Variants in TMEM117 observed in about 807,000 individuals in gnomAD.
The protein encoded by TMEM117 is transmembrane protein 117.
In TMEM117, 27 loss-of-function variants were observed where a neutral mutation model predicts 52.4. The observed-to-expected ratio is 0.51, with a 90% CI of 0.38 to 0.71. The LOEUF (loss-of-function observed/expected upper bound fraction) is 0.71. Ranked by LOEUF, TMEM117 falls within the 30% of genes least tolerant of loss-of-function variation. TMEM117 has a pLI of 0.00. For missense variants in TMEM117, 556 were observed against 630.5 expected, an observed-to-expected ratio of 0.88 and a Z score of 1.26; for synonymous variants, 215 against 206.3, an observed-to-expected ratio of 1.04 and a Z score of -0.36.
intron 5 of TMEM117, among the ~76,000 whole-genome samples, chr12:44,292,025 CCTT>C (rs1413826943): frequency 2.0e-5 from 3 of 151,918 alleles, no homozygotes; most frequent in Non-Finnish European, 4.4e-5. Flanking sequence ...GGTATCCTCT[CCTT>C]CTGAATTTTT....
chr12:44,246,301 GAATAA>G (rs1950128866), intron 5 of TMEM117, among the ~76,000 whole-genome samples: 1 of 152,004 alleles, frequency 6.6e-6, no homozygotes, highest in African/African-American at 2.4e-5. Flanking sequence ...TTATGTAATA[GAATAA>G]AATAAATTTA....
chr12:44,037,984 C>T (rs1311766075), intron 3 of TMEM117, among the ~76,000 whole-genome samples: 2 of 152,006 alleles, frequency 1.3e-5, no homozygotes, highest in Admixed American at 1.3e-4. Context: ...TGTCGGGATG[C>T]CCTGCCTGCA....
At chr12:43,951,158 A>AAG (rs908582996) in intron 3 of TMEM117, among the ~76,000 whole-genome samples, 6 of 152,150 alleles carry the variant, frequency 3.9e-5, no homozygotes, top group Non-Finnish European at 8.8e-5. Context: ...TCCATGAATC[A>AAG]AGAGATTACC....
At chr12:43,852,371 C>CA (rs1014250712) in intron 2 of TMEM117, among the ~76,000 whole-genome samples, 86 of 152,150 alleles carry the variant, frequency 5.7e-4, no homozygotes, top group South Asian at 2.1e-3. Context: ...GCAGAGCTTT[C>CA]AGTGAGCCGA....
intron 3 of TMEM117, among the ~76,000 whole-genome samples, chr12:44,027,385 G>A (rs1191691984): frequency 6.6e-6 from 1 of 151,858 alleles, no homozygotes. Flanking sequence ...TGTTGGCCAG[G>A]CTGGTCTTGA....
intron 3 of TMEM117, among the ~76,000 whole-genome samples, chr12:43,977,473 A>G (rs187301810): frequency 6.6e-6 from 1 of 152,162 alleles, no homozygotes; most frequent in Admixed American, 6.6e-5. Flanking sequence ...TGTTTGGACC[A>G]CTACATACAT....
intron 5 of TMEM117, among the ~76,000 whole-genome samples, chr12:44,220,864 C>T (rs150898374): frequency 1.3e-5 from 2 of 152,110 alleles, no homozygotes; most frequent in Non-Finnish European, 1.5e-5. Context: ...ATAACCCAAA[C>T]TATCAAGTAC....
intron 4 of TMEM117, among the ~76,000 whole-genome samples, chr12:44,162,104 G>A (rs990328111): frequency 3.3e-5 from 5 of 152,096 alleles, no homozygotes; most frequent in African/African-American, 1.2e-4. Context: ...TCCAGAGAAC[G>A]TGAACATTCT....
At chr12:44,127,836 C>G (rs1025840492) in intron 3 of TMEM117, among the ~76,000 whole-genome samples, 18 of 152,160 alleles carry the variant, frequency 1.2e-4, no homozygotes, top group Non-Finnish European at 4.4e-5. Flanking sequence ...GAAATTCCAG[C>G]CTGGTTGCCA....
chr12:43,844,714 G>C lies in TMEM117; in HGVS notation c.63G>C (p.Leu21Phe). Residue 21 changes from leucine to phenylalanine, a missense_variant, in exon 2 of 8, where the codon TTG becomes TTC. Around this residue, in one of 3 missense-constraint regions of TMEM117, gnomAD observed 328 missense variants for 371.4 expected, o/e 0.88. Transcript: ENST00000266534. ...HPWSRMIVAY[L>F]VIFFNFLIFA... ...GGTCTCGCATGATTGTGGCTTACTT[G>C]GTGATCTTCTTTAACTTCTTAATAT... is the stretch of plus-strand genomic sequence containing the variant. The C allele has an allele frequency of 6.2e-7, 1 of 1,614,106 alleles. No homozygotes were observed. Among genetic ancestry groups the C allele is most frequent in the African/African-American group, 1.3e-5 (1 of 75,028 alleles).
chr12:44,211,141 A>C (rs1592609157), intron 4 of TMEM117, 149 bp from the exon 5 acceptor site: 1 of 628,896 alleles, frequency 1.6e-6, no homozygotes, highest in East Asian at 2.9e-5. Flanking sequence ...TAATTGAATG[A>C]AGTATATCCT....
In TMEM117 at chr12:44,388,200, C is replaced by G. The variant is rs757626019; in HGVS notation, c.1073C>G (p.Ser358Cys). ...AAAGATTTGAACAGAACCAAGCTAT[C>G]CTGGGAATGGAGGTCCAATCACACT... ...SLKDLNRTKL[S>C]WEWRSNHTNP... The change falls in exon 8 of 8, where the codon TCC (serine) becomes TGC (cysteine). Residue 358 changes from serine to cysteine, a missense_variant. By Grantham distance (112) the Ser-to-Cys change is moderately radical. Coordinates refer to ENST00000266534, the MANE Select transcript of TMEM117 (RefSeq NM_032256.3). The G allele has an allele frequency of 1.9e-6, 3 of 1,613,332 alleles. No homozygotes were observed. Among genetic ancestry groups the G allele is most frequent in the South Asian group, 2.2e-5 (2 of 91,054 alleles).
rs567360291 is a variant in TMEM117 at position 43,982,175 on chromosome 12, T to C, written c.410+37833T>C. 1.1e-4 allele frequency among the ~76,000 whole-genome samples: 16 copies of C among 152,318 alleles called. No individual in the cohort carries two copies. The South Asian group carries it at 2.9e-3, about 28-fold the overall frequency. On this transcript the variant is annotated intron_variant, in intron 3 of 7. Coordinates refer to ENST00000266534, the MANE Select transcript of TMEM117 (RefSeq NM_032256.3). ...GAAAAATTTAAAAATTTCATTTTAATGTATAAATAGGAATGTGAGTTCATT... is the reference window on the plus strand; with the variant it reads ...GAAAAATTTAAAAATTTCATTTTAACGTATAAATAGGAATGTGAGTTCATT...
chr12:44,050,365 C>T (rs1258835330), intron 3 of TMEM117, among the ~76,000 whole-genome samples: 4 of 152,030 alleles, frequency 2.6e-5, no homozygotes, highest in Non-Finnish European at 4.4e-5. Context: ...TTAGAAGTGA[C>T]GGGGTTTCAC....
intron 3 of TMEM117, among the ~76,000 whole-genome samples, chr12:44,127,779 G>A (rs906709233): frequency 1.3e-5 from 2 of 152,180 alleles, no homozygotes; most frequent in Admixed American, 6.5e-5. Flanking sequence ...GTTTCCCAGA[G>A]AAAGAAGAAA....
chr12:44,305,016 G>C (rs1394403084), intron 6 of TMEM117, among the ~76,000 whole-genome samples: 2 of 152,148 alleles, frequency 1.3e-5, no homozygotes, highest in Non-Finnish European at 2.9e-5. Context: ...GGCTCCTGAG[G>C]TTCCTGACTC....
At chr12:44,100,853 C>T (rs1222698624) in intron 3 of TMEM117, among the ~76,000 whole-genome samples, 1 of 149,388 alleles carries the variant, frequency 6.7e-6, no homozygotes, top group Non-Finnish European at 1.5e-5. Context: ...CTCTGTGCTA[C>T]TGCTTGTCCA....
chr12:44,356,960 T>A (rs1018097855), intron 6 of TMEM117, among the ~76,000 whole-genome samples: 5 of 152,252 alleles, frequency 3.3e-5, no homozygotes, highest in Non-Finnish European at 7.4e-5. Context: ...GCATGGGGCA[T>A]AAAGCCAAAT....
chr12:44,246,660 AG>A lies in TMEM117; in HGVS notation c.608+35274del, dbSNP rs573040713. Among the ~76,000 whole-genome samples the A allele has an allele frequency of 1.3e-3, 198 of 152,278 alleles. 1 individual carries two copies. The highest frequency in any genetic ancestry group is 4.0e-3 in the Admixed American group (61 of 15,286). On this transcript the variant is annotated intron_variant, in intron 5 of 7. Coordinates refer to ENST00000266534, the MANE Select transcript of TMEM117 (RefSeq NM_032256.3). Reference sequence around the variant, plus strand: ...AACTCAATTAGCGTCCAGGTCAGTCAGTGGAAAGGCATTTATAGAATCAATC... The same window carrying A: ...AACTCAATTAGCGTCCAGGTCAGTCATGGAAAGGCATTTATAGAATCAATC...
Sources: allele counts gnomAD v4.1 joint callset (sites outside exome capture counted in the v4.1 genomes callset), GRCh38; gene constraint gnomAD v4.1.1; regional missense constraint gnomAD v4.1.1; transcripts MANE v1.5; gene names NCBI Gene and HGNC (gene_info 2026-07-23, HGNC 2026-07-21).